The following KMT2A variants were observed in gnomAD, a reference collection of about 807,000 sequenced individuals.
The protein encoded by KMT2A is lysine methyltransferase 2A.
Under a neutral mutation model 345.3 loss-of-function variants are expected in KMT2A, and 16 were observed. The observed-to-expected ratio is 0.05, with a 90% CI of 0.03 to 0.07. The LOEUF is 0.07. Ranked by LOEUF, KMT2A falls within the 10% of genes least tolerant of loss-of-function variation. KMT2A has a pLI of 1.00. For synonymous variants in KMT2A, 1,599 were observed against 1,778.6 expected (o/e 0.90, Z 2.54); for missense variants, 3,272 against 4,841.6 (o/e 0.68, Z 9.62).
intron 1 of KMT2A, among the ~76,000 whole-genome samples, chr11:118,462,429 C>T (rs1340547913): frequency 6.6e-6 from 1 of 152,108 alleles, no homozygotes. Context: ...TTGTTTTTGG[C>T]TAAGCTGTCC....
At chr11:118,437,723 A>T (rs1949224397) in intron 1 of KMT2A, among the ~76,000 whole-genome samples, 1 of 147,066 alleles carries the variant, frequency 6.8e-6, no homozygotes, top group African/African-American at 2.5e-5. Flanking sequence ...GCCTATTGGT[A>T]GCCGGGAATT....
intron 1 of KMT2A, among the ~76,000 whole-genome samples, chr11:118,461,530 A>T (rs1279559893): frequency 6.6e-6 from 1 of 152,164 alleles, no homozygotes; most frequent in African/African-American, 2.4e-5. Context: ...GTCTCCAAGG[A>T]CATCAGTGTC....
intron 3 of KMT2A, among the ~76,000 whole-genome samples, chr11:118,475,252 A>G (rs1950014781): frequency 6.6e-6 from 1 of 152,148 alleles, no homozygotes; most frequent in Non-Finnish European, 1.5e-5. Context: ...TACAAAGACC[A>G]GCATTTTTGT....
In KMT2A at chr11:118,525,139, T is replaced by C. The variant is rs1951054656; in HGVS notation, c.*2967T>C. 1 of 228,334 alleles carries C rather than the reference T, an allele frequency of 4.4e-6. No individual in the cohort carries two copies. The highest frequency in any genetic ancestry group is 8.7e-6 in the Non-Finnish European group (1 of 114,870). The allele number at this position is 228,334 out of a possible 1,614,324, so 14.1% of individuals were successfully genotyped here. ...CAGCTATCTCCAAACACATCTGAGT[T>C]CATTTCAAAAGTGACCAAGGGAATC... On this transcript the variant is annotated 3_prime_UTR_variant, in exon 36 of 36. Transcript: ENST00000534358.
intron 10 of KMT2A, among the ~76,000 whole-genome samples, chr11:118,487,219 C>T (rs1341746806): frequency 1.3e-5 from 2 of 152,174 alleles, no homozygotes; most frequent in African/African-American, 4.8e-5. Context: ...ATGCCACCCA[C>T]AGGAATAACT....
At chr11:118,443,450 G>C (rs956127179) in intron 1 of KMT2A, among the ~76,000 whole-genome samples, 4 of 152,192 alleles carry the variant, frequency 2.6e-5, no homozygotes, top group Non-Finnish European at 5.9e-5. Flanking sequence ...TGAGACTGTA[G>C]CTGCTGCCAA....
rs1003415050 is a variant in KMT2A at position 118,506,507 on chromosome 11, C to T, written c.10615C>T (p.Pro3539Ser). ...ASPSVPGPTK[P>S]KPKTKRFQLP... ...CCCTTCAGTGCCGGGTCCCACTAAA[C>T]CCAAACCAAAAACCAAACGGTTTCA... is the stretch of plus-strand genomic sequence containing the variant. Residue 3539 changes from proline to serine, a missense_variant, in exon 27 of 36, where the codon CCC (proline) becomes TCC (serine). Pro to Ser is a moderately conservative substitution (Grantham distance 74). Coordinates refer to ENST00000534358, the MANE Select transcript of KMT2A (RefSeq NM_001197104.2). The T allele has an allele frequency of 1.2e-6, 2 of 1,614,202 alleles. No individual in the cohort carries two copies.
At chr11:118,438,846 T>C (rs1555139435) in intron 1 of KMT2A, among the ~76,000 whole-genome samples, 2 of 152,224 alleles carry the variant, frequency 1.3e-5, no homozygotes, top group East Asian at 3.9e-4. Flanking sequence ...GATGGGGGCG[T>C]GTTCCTTGCT....
rs1044650071 is a variant in KMT2A at position 118,495,160 on chromosome 11, A to T, written c.5363+393A>T. On this transcript the variant is annotated intron_variant, in intron 18 of 35. Coordinates refer to ENST00000534358, the MANE Select transcript of KMT2A (RefSeq NM_001197104.2). This position sits in a 1 kb window ranked among gnomAD's most constrained non-coding sequence, Gnocchi z 4.1. ...TCTTTTGATTTGATTTTATTTATTT[A>T]TTTATTTTTTTTTTTTTGAGACGGA... Among the ~76,000 whole-genome samples, 34 of 148,326 alleles carry T rather than the reference A, an allele frequency of 2.3e-4. No individual in the cohort carries two copies. The highest frequency in any genetic ancestry group is 5.9e-4 in the East Asian group (3 of 5,104).
In KMT2A at chr11:118,521,312, T is replaced by C. The variant is rs781864733; in HGVS notation, c.11538T>C (p.Leu3846=). 3 of 1,614,134 alleles carry C rather than the reference T, an allele frequency of 1.9e-6. No homozygotes were observed. The highest frequency in any genetic ancestry group is 2.5e-6 in the Non-Finnish European group (3 of 1,180,004). ...VYRSPIHGRG[L]FCKRNIDAGE... Reference sequence around the variant, plus strand: ...GGTCTCCCATCCATGGCCGGGGTCTTTTCTGTAAGAGAAACATTGATGCAG... The same window carrying C: ...GGTCTCCCATCCATGGCCGGGGTCTCTTCTGTAAGAGAAACATTGATGCAG... Residue 3846 remains leucine (L), a synonymous_variant, in exon 35 of 36, where the codon CTT becomes CTC. Transcript: ENST00000534358. This position sits in a 1 kb window ranked among gnomAD's most constrained non-coding sequence, Gnocchi z 5.3.
rs1183093395 is a variant in KMT2A, at chr11:118,498,719, T to C, written c.5961+191T>C. Among the ~76,000 whole-genome samples, 5 of 152,194 alleles carry C rather than the reference T, an allele frequency of 3.3e-5. No homozygotes were observed. The highest frequency in any genetic ancestry group is 5.9e-5 in the Non-Finnish European group (4 of 68,038). ...TTTGTTACAGTGGATAAACCTACAC[T>C]GGACACATGGTTATCACCCTGACTC... is the stretch of plus-strand genomic sequence containing the variant. On this transcript the variant is annotated intron_variant, in intron 22 of 35. Coordinates refer to ENST00000534358, the MANE Select transcript of KMT2A (RefSeq NM_001197104.2). This position sits in a 1 kb window ranked among gnomAD's most constrained non-coding sequence, Gnocchi z 4.4.
chr11:118,517,596 T>C (rs1400145183), intron 31 of KMT2A, among the ~76,000 whole-genome samples: 1 of 151,864 alleles, frequency 6.6e-6, no homozygotes, highest in African/African-American at 2.4e-5. Flanking sequence ...ACCTAGCAAG[T>C]TGGGAGGCCA....
chr11:118,488,323 A>T (rs1950264663), intron 10 of KMT2A, among the ~76,000 whole-genome samples: 1 of 152,250 alleles, frequency 6.6e-6, no homozygotes, highest in African/African-American at 2.4e-5. Context: ...TTATATTCCC[A>T]TAGCTCTTTG....
rs1351169803 is a variant in KMT2A at position 118,476,974 on chromosome 11, G to T, written c.3326G>T (p.Gly1109Val). The T allele has an allele frequency of 8.1e-6, 13 of 1,613,976 alleles. No individual in the cohort carries two copies. Among genetic ancestry groups the T allele is most frequent in the Non-Finnish European group, 1.1e-5 (13 of 1,180,008 alleles). ...CGAGAAAAGATTTTGTCTTCCATGG[G>T]GAATGATGGTAGGTCAAGAAGGTCA... ...EEREKILSSM[G>V]NDDKSSIAGS... The change falls in exon 4 of 36, where the codon GGG (glycine) becomes GTG (valine). Residue 1109 changes from glycine to valine, a missense_variant. Gly to Val is a moderately radical substitution (Grantham distance 109). Around this residue, in one of 27 missense-constraint regions of KMT2A, gnomAD observed 33 missense variants for 46.5 expected, o/e 0.71. Transcript: ENST00000534358. This position sits in a 1 kb window ranked among gnomAD's most constrained non-coding sequence, Gnocchi z 4.1.
chr11:118,489,689 T>G, intron 11 of KMT2A, 103 bp from the exon 12 acceptor site: 1 of 847,984 alleles, frequency 1.2e-6, no homozygotes, highest in Non-Finnish European at 2.0e-6. Flanking sequence ...CATAATTGTG[T>G]GCTGTACTTA....
intron 8 of KMT2A, among the ~76,000 whole-genome samples, chr11:118,482,767 GA>G (rs1565287658): frequency 1.3e-5 from 1 of 74,920 alleles, no homozygotes; most frequent in Non-Finnish European, 4.2e-5. Context: ...AAAAAAAAAA[GA>G]AGAAGAAGAA....
At position 118,491,287 on chromosome 11, in the gene KMT2A, T is replaced by C. The variant is rs1555042413; in HGVS notation, c.4788T>C (p.His1596=). 1 of 1,614,014 alleles carries C rather than the reference T, an allele frequency of 6.2e-7. No homozygotes were observed. The highest frequency in any genetic ancestry group is 1.3e-5 in the African/African-American group (1 of 75,054). Residue 1596 remains histidine (H), a synonymous_variant, in exon 14 of 36, where the codon CAT becomes CAC. Coordinates refer to ENST00000534358, the MANE Select transcript of KMT2A (RefSeq NM_001197104.2). This position sits in a 1 kb window ranked among gnomAD's most constrained non-coding sequence, Gnocchi z 4.2. ...MQCGKCDRWV[H]SKCENLSGTE... ...GTGGAAAGTGTGATCGCTGGGTCCATTCCAAATGTGAGAATCTTTCAGGTA... is the reference window on the plus strand; with the variant it reads ...GTGGAAAGTGTGATCGCTGGGTCCACTCCAAATGTGAGAATCTTTCAGGTA...
chr11:118,504,583 T>G lies in KMT2A; in HGVS notation c.8691T>G (p.Phe2897Leu). The G allele has an allele frequency of 1.2e-6, 2 of 1,614,212 alleles. No homozygotes were observed. The highest frequency in any genetic ancestry group is 2.2e-5 in the South Asian group (2 of 91,086). Residue 2897 changes from phenylalanine to leucine, a missense_variant, in exon 27 of 36, where the codon TTT becomes TTG. Physicochemically the swap from Phe to Leu is conservative, Grantham distance 22. Around this residue, in one of 27 missense-constraint regions of KMT2A, gnomAD observed 17 missense variants for 50.6 expected, o/e 0.34. Transcript: ENST00000534358. This position sits in a 1 kb window ranked among gnomAD's most constrained non-coding sequence, Gnocchi z 6.4. ...ATCGTGAAAAAGACATGGGTCTTTT[T>G]GAAGTATTTTCTCAGCAGCTGCCTA... The part of the protein sequence containing the change: ...DSNREKDMGL[F>L]EVFSQQLPTT...
chr11:118,438,215 T>C (rs551922664), intron 1 of KMT2A, among the ~76,000 whole-genome samples: 1 of 152,198 alleles, frequency 6.6e-6, no homozygotes, highest in African/African-American at 2.4e-5. Flanking sequence ...GACTTGGGGT[T>C]GTCTCTGATT....
Sources: gnomAD v4.1 joint callset for allele counts (sites outside exome capture counted in the v4.1 genomes callset) on GRCh38, gnomAD v4.1.1 for gene constraint, gnomAD v4.1.1 regional missense constraint, Gnocchi (gnomAD v3.1) non-coding constraint, MANE v1.5 for transcripts, NCBI Gene and HGNC (gene_info 2026-07-23, HGNC 2026-07-21) for gene names.